The following CDK14 variants were observed in gnomAD, a reference collection of about 807,000 sequenced individuals.
CDK14 encodes the protein cyclin dependent kinase 14.
Under a neutral mutation model 60.7 loss-of-function variants are expected in CDK14, and 34 were observed. That is an observed-to-expected ratio of 0.56 (90% confidence interval 0.43 to 0.75). The LOEUF is 0.75. CDK14 is among the 30% of genes least tolerant of loss of function. The pLI is 0.00. For synonymous variants in CDK14, 197 were observed against 203.7 expected (o/e 0.97, Z 0.28); for missense variants, 482 against 564.1 (o/e 0.85, Z 1.47).
At chr7:90,912,961 A>G (rs991390121) in intron 7 of CDK14, among the ~76,000 whole-genome samples, 2 of 152,164 alleles carry the variant, frequency 1.3e-5, no homozygotes, top group Non-Finnish European at 2.9e-5. Flanking sequence ...ATAAACTTTC[A>G]GTAAGTATTA....
chr7:90,627,455 C>T (rs1563020863), intron 2 of CDK14, among the ~76,000 whole-genome samples: 1 of 152,154 alleles, frequency 6.6e-6, no homozygotes, highest in Non-Finnish European at 1.5e-5. Flanking sequence ...TCAAGCAATC[C>T]TCGTGTTTTG....
intron 11 of CDK14, among the ~76,000 whole-genome samples, chr7:91,063,598 G>A (rs1310324310): frequency 6.6e-6 from 1 of 152,122 alleles, no homozygotes; most frequent in East Asian, 1.9e-4. Context: ...CTGTAAAAAA[G>A]GAGGACAATT....
At chr7:91,114,565 C>T (rs955323605) in intron 13 of CDK14, among the ~76,000 whole-genome samples, 9 of 152,078 alleles carry the variant, frequency 5.9e-5, no homozygotes, top group Non-Finnish European at 8.8e-5. Context: ...GAAGCATAAC[C>T]GTAAGGCGAT....
chr7:91,188,961 C>A (rs537214886), intron 14 of CDK14, among the ~76,000 whole-genome samples: 5 of 152,118 alleles, frequency 3.3e-5, no homozygotes, highest in Admixed American at 6.5e-5. Context: ...TTTCTTCAGA[C>A]ATGTGTCTTA....
chr7:91,198,013 T>A (rs755499204), intron 14 of CDK14, among the ~76,000 whole-genome samples: 2 of 152,002 alleles, frequency 1.3e-5, no homozygotes, highest in Non-Finnish European at 2.9e-5. Flanking sequence ...TGGGAGGGAG[T>A]TGGCAGGGGG....
intron 4 of CDK14, among the ~76,000 whole-genome samples, chr7:90,753,927 G>A (rs906327349): frequency 6.6e-6 from 1 of 152,146 alleles, no homozygotes; most frequent in Admixed American, 6.6e-5. Flanking sequence ...AACCAAGGAG[G>A]TTAAAGATCT....
chr7:91,126,085 A>G (rs575615105), intron 14 of CDK14, among the ~76,000 whole-genome samples: 4 of 152,114 alleles, frequency 2.6e-5, no homozygotes, highest in Non-Finnish European at 5.9e-5. Flanking sequence ...CAACAAATCT[A>G]CTCCATATTA....
At chr7:91,001,547 G>A (rs118079543) in intron 10 of CDK14, among the ~76,000 whole-genome samples, 2,481 of 152,162 alleles carry the variant, frequency 0.016, 21 homozygotes, top group Non-Finnish European at 0.022. Context: ...TAGTGGCTCC[G>A]TTTTTTATTG....
intron 3 of CDK14, among the ~76,000 whole-genome samples, chr7:90,737,669 G>C (rs182642917): frequency 2.7e-4 from 41 of 152,288 alleles, no homozygotes; most frequent in Admixed American, 2.6e-3. Context: ...GGCTATCAAT[G>C]CTGGGTGATA....
At chr7:90,676,762 C>T (rs1801208036) in intron 2 of CDK14, among the ~76,000 whole-genome samples, 1 of 151,980 alleles carries the variant, frequency 6.6e-6, no homozygotes, top group African/African-American at 2.4e-5. Flanking sequence ...TCTCAGACTC[C>T]TGGGCTCAAG....
At chr7:91,170,771 T>A (rs1009670219) in intron 14 of CDK14, among the ~76,000 whole-genome samples, 4 of 145,984 alleles carry the variant, frequency 2.7e-5, no homozygotes, top group African/African-American at 7.6e-5. Context: ...TTTTTTTTCT[T>A]TTTTTTTTTT....
chr7:91,021,422 G>T (rs1796432881), intron 10 of CDK14, among the ~76,000 whole-genome samples: 1 of 152,202 alleles, frequency 6.6e-6, no homozygotes, highest in Non-Finnish European at 1.5e-5. Context: ...CTGCTGCATA[G>T]AAATTTCTAT....
At chr7:90,635,905 G>A (rs1800133994) in intron 2 of CDK14, among the ~76,000 whole-genome samples, 1 of 151,920 alleles carries the variant, frequency 6.6e-6, no homozygotes, top group Non-Finnish European at 1.5e-5. Context: ...AATTGTGAAT[G>A]GGAGTTCACT....
intron 10 of CDK14, among the ~76,000 whole-genome samples, chr7:91,033,769 C>T (rs1318834197): frequency 6.6e-6 from 1 of 152,186 alleles, no homozygotes; most frequent in Non-Finnish European, 1.5e-5. Context: ...GGCTGCTGCA[C>T]GTGCACGTAC....
At chr7:91,012,859 G>A (rs1450176564) in intron 10 of CDK14, among the ~76,000 whole-genome samples, 2 of 152,138 alleles carry the variant, frequency 1.3e-5, no homozygotes, top group African/African-American at 4.8e-5. Context: ...CAAATAAAGG[G>A]GTAGTGTGTA....
intron 14 of CDK14, among the ~76,000 whole-genome samples, chr7:91,184,651 C>T (rs1372323715): frequency 1.3e-5 from 2 of 152,068 alleles, no homozygotes; most frequent in Admixed American, 6.5e-5. Context: ...GGGGATGGCT[C>T]CTCTTTATTA....
At chr7:91,068,079 G>A (rs1399783958) in intron 11 of CDK14, among the ~76,000 whole-genome samples, 1 of 152,128 alleles carries the variant, frequency 6.6e-6, no homozygotes, top group Admixed American at 6.5e-5. Context: ...TTCATACAAA[G>A]AACTGTTCCT....
intron 14 of CDK14, among the ~76,000 whole-genome samples, chr7:91,119,142 T>G (rs555159228): frequency 1.3e-5 from 2 of 152,142 alleles, no homozygotes; most frequent in Non-Finnish European, 2.9e-5. Context: ...GCTTTTTATG[T>G]GCTGATTTGT....
chr7:90,918,504 A>G (rs1793150771), intron 8 of CDK14, among the ~76,000 whole-genome samples: 1 of 152,204 alleles, frequency 6.6e-6, no homozygotes, highest in African/African-American at 2.4e-5. Context: ...ATCAAGGTTG[A>G]CGTTTCTGCA....
Sources: gnomAD v4.1 joint callset for allele counts (sites outside exome capture counted in the v4.1 genomes callset) on GRCh38, gnomAD v4.1.1 for gene constraint, MANE v1.5 for transcripts, NCBI Gene and HGNC (gene_info 2026-07-23, HGNC 2026-07-21) for gene names.